The following RBM26 variants were observed in gnomAD, a reference collection of about 807,000 sequenced individuals.
RBM26 encodes RNA-binding protein 26.
RBM26 carries 30 observed loss-of-function variants against 123.6 expected under a neutral mutation model. The ratio of observed to expected loss-of-function variants is 0.24; its 90% confidence interval spans 0.18 to 0.33. The LOEUF is 0.33. Ranked by LOEUF, RBM26 falls within the 10% of genes least tolerant of loss-of-function variation. The probability of loss-of-function intolerance (pLI) is 1.00; values close to 1 mark genes in which losing one functional copy is unlikely to be tolerated. For synonymous variants in RBM26, 400 were observed against 404.4 expected, an observed-to-expected ratio of 0.99 and a Z score of 0.13; for missense variants, 947 against 1,203.6, an observed-to-expected ratio of 0.79 and a Z score of 3.15.
chr13:79,402,810 T>C (rs149083019), intron 1 of RBM26, among the ~76,000 whole-genome samples: 2 of 152,142 alleles, frequency 1.3e-5, no homozygotes, highest in Non-Finnish European at 1.5e-5. Flanking sequence ...TCAACACCTA[T>C]CTTTCCTGCT....
At chr13:79,386,582 C>A (rs1457173976) in intron 1 of RBM26, among the ~76,000 whole-genome samples, 1 of 62,760 alleles carries the variant, frequency 1.6e-5, no homozygotes, top group Non-Finnish European at 3.0e-5. Context: ...AGCCACAGAA[C>A]TCTCTCTTTA....
chr13:79,327,267 G>C lies in RBM26; in HGVS notation c.2821-4805C>G, dbSNP rs893965044. On this transcript the variant is annotated intron_variant, in intron 20 of 21. Coordinates refer to ENST00000438737, the MANE Select transcript of RBM26 (RefSeq NM_001366735.2). ...GCTGTGATCAGACCACTGCACTCTA[G>C]CCTGGGTGACAGAATGAGAACCTGT... 1.4e-5 allele frequency among the ~76,000 whole-genome samples: 2 copies of C among 145,888 alleles called. 1 individual carries two copies. The highest frequency in any genetic ancestry group is 3.0e-5 in the Non-Finnish European group (2 of 67,296).
intron 1 of RBM26, among the ~76,000 whole-genome samples, chr13:79,398,083 T>C (rs748999913): frequency 5.9e-5 from 9 of 152,178 alleles, no homozygotes; most frequent in South Asian, 2.1e-4. Flanking sequence ...TGCATGTAAA[T>C]TGAAAAGACT....
intron 1 of RBM26, among the ~76,000 whole-genome samples, chr13:79,398,969 A>G (rs1373565864): frequency 6.6e-6 from 1 of 152,242 alleles, no homozygotes; most frequent in Non-Finnish European, 1.5e-5. Flanking sequence ...TATATAATGA[A>G]CAGGAACATA....
chr13:79,400,253 T>C (rs986749703), intron 1 of RBM26, among the ~76,000 whole-genome samples: 3 of 152,160 alleles, frequency 2.0e-5, no homozygotes, highest in African/African-American at 7.2e-5. Flanking sequence ...TACCACAAGA[T>C]GGGTAATTTA....
intron 20 of RBM26, among the ~76,000 whole-genome samples, chr13:79,332,782 C>A (rs929191500): frequency 6.6e-6 from 1 of 152,160 alleles, no homozygotes; most frequent in Non-Finnish European, 1.5e-5. Context: ...ATTGTATACA[C>A]GCCTAAGGTA....
intron 1 of RBM26, chr13:79,389,540 T>C (rs2077761800): frequency 6.6e-6 from 1 of 152,206 alleles, no homozygotes; most frequent in African/African-American, 2.4e-5. Flanking sequence ...ACATAAACTA[T>C]AGTCTCTCAT....
chr13:79,368,633 G>A, intron 6 of RBM26, 97 bp downstream of exon 6: 1 of 1,190,764 alleles, frequency 8.4e-7, no homozygotes, highest in Non-Finnish European at 1.2e-6. Flanking sequence ...CCACTTTTCA[G>A]AGGTAAGTCT....
chr13:79,341,250 TTAGGTGACAGTAATTACTATCCTGTA>T, intron 17 of RBM26, 23 bp from the exon 18 acceptor site: 1 of 1,488,766 alleles, frequency 6.7e-7, no homozygotes, highest in Non-Finnish European at 9.3e-7. Flanking sequence ...AATTAATATT[TTAGGTGACAGTAATTACTATCCTGTA>T]TTGATACAAA....
At position 79,319,709 on chromosome 13, in the gene RBM26, G is replaced by A; in HGVS notation, c.*912C>T. 1.0e-6 allele frequency: 1 copy of A among 983,422 alleles called. No individual in the cohort carries two copies. Among genetic ancestry groups the A allele is most frequent in the Non-Finnish European group, 1.2e-6 (1 of 828,516 alleles). 60.9% of individuals were successfully genotyped at this position (983,422 alleles called of 1,614,324 possible). A position where few individuals can be genotyped will look rare whatever the true frequency, so the allele number is the denominator to read the frequency against. ...TAATCAGCCTGCTTTTAAATTTTAA[G>A]ACATTTGTTGAAAATTTATAGGATC... On this transcript the variant is annotated 3_prime_UTR_variant, in exon 22 of 22. Coordinates refer to ENST00000438737, the MANE Select transcript of RBM26 (RefSeq NM_001366735.2).
chr13:79,384,250 T>C (rs1260906960), intron 1 of RBM26, among the ~76,000 whole-genome samples: 2 of 151,982 alleles, frequency 1.3e-5, no homozygotes, highest in Non-Finnish European at 2.9e-5. Flanking sequence ...TAAAGTTTTT[T>C]TTTTTTTTTT....
At chr13:79,339,563 G>A (rs1464635811) in intron 18 of RBM26, among the ~76,000 whole-genome samples, 5 of 151,958 alleles carry the variant, frequency 3.3e-5, no homozygotes, top group East Asian at 1.9e-4. Context: ...AAAATAACAC[G>A]TAATAATAAA....
intron 3 of RBM26, among the ~76,000 whole-genome samples, chr13:79,375,229 A>C (rs1041430517): frequency 4.1e-5 from 6 of 144,844 alleles, no homozygotes; most frequent in African/African-American, 1.5e-4. Flanking sequence ...CTGGAGTGCA[A>C]TGGCATGGTC....
intron 1 of RBM26, among the ~76,000 whole-genome samples, chr13:79,405,449 G>A (rs1243895952): frequency 7.9e-5 from 12 of 151,970 alleles, no homozygotes; most frequent in Non-Finnish European, 1.5e-5. Context: ...AAAATATTGC[G>A]GGTGGGGGTT....
intron 20 of RBM26, among the ~76,000 whole-genome samples, chr13:79,324,273 G>A (rs2068063352): frequency 6.6e-6 from 1 of 151,500 alleles, no homozygotes; most frequent in Non-Finnish European, 1.5e-5. Flanking sequence ...ATAACTTCAT[G>A]GTTAAATTAT....
intron 20 of RBM26, 48 bp downstream of exon 20, chr13:79,334,296 C>T (rs768249335): frequency 1.1e-5 from 12 of 1,072,092 alleles, no homozygotes; most frequent in Non-Finnish European, 8.1e-6. Flanking sequence ...AAAAGTAATA[C>T]TTATAAATCA....
In RBM26 at chr13:79,320,274, A is replaced by G. The variant is rs1207488002; in HGVS notation, c.*347T>C. 2 of 981,880 alleles carry G rather than the reference A, an allele frequency of 2.0e-6. No individual in the cohort carries two copies. Among genetic ancestry groups the G allele is most frequent in the Non-Finnish European group, 2.4e-6 (2 of 824,156 alleles). 60.8% of individuals were successfully genotyped at this position (981,880 alleles called of 1,614,324 possible). On this transcript the variant is annotated 3_prime_UTR_variant, in exon 22 of 22. Transcript: ENST00000438737. ...ATTCATTCCTTATTTGGAATAAAAC[A>G]AAGTCCTCTAAGTTATAACAAGTAT... is the stretch of plus-strand genomic sequence containing the variant.
chr13:79,318,127 C>T (rs930975021), downstream of RBM26, among the ~76,000 whole-genome samples: 5 of 151,260 alleles, frequency 3.3e-5, no homozygotes, highest in East Asian at 5.8e-4. Context: ...TATGAACTGG[C>T]GAATGACCAA....
intron 18 of RBM26, among the ~76,000 whole-genome samples, chr13:79,340,204 C>G (rs1423549667): frequency 1.3e-5 from 2 of 151,822 alleles, no homozygotes; most frequent in Non-Finnish European, 2.9e-5. Context: ...GACACACATG[C>G]AACCACATCA....
Sources: gnomAD v4.1 joint callset for allele counts (sites outside exome capture counted in the v4.1 genomes callset) on GRCh38, gnomAD v4.1.1 for gene constraint, MANE v1.5 for transcripts, NCBI Gene and HGNC (gene_info 2026-07-23, HGNC 2026-07-21) for gene names.